The following COL5A2 variants were observed in gnomAD, a reference collection of about 807,000 sequenced individuals.
COL5A2 encodes the protein collagen type V alpha 2 chain, also known as collagen alpha-2(V) chain.
COL5A2 carries 23 observed loss-of-function variants against 208.2 expected under a neutral mutation model. The ratio of observed to expected loss-of-function variants is 0.11; its 90% CI spans 0.08 to 0.16. COL5A2 has a LOEUF of 0.16. Among genes scored for constraint, COL5A2 ranks in the 10% least tolerant of loss-of-function variants. The pLI is 1.00. For synonymous variants in COL5A2, 625 were observed against 628.5 expected (o/e 0.99, Z 0.08); for missense variants, 1,590 against 1,956.4 (o/e 0.81, Z 3.53).
At chr2:189,427,081 C>T in the COL5A2 span, among the ~76,000 whole-genome samples, 3 of 152,202 alleles carry the variant, frequency 2.0e-5, no homozygotes, top group Non-Finnish European at 4.4e-5. Flanking sequence ...TTCAGAGACC[C>T]TCATGACAGC....
At chr2:189,274,658 T>C in the COL5A2 span, among the ~76,000 whole-genome samples, 2 of 152,172 alleles carry the variant, frequency 1.3e-5, no homozygotes, top group Non-Finnish European at 1.5e-5. Context: ...ATAATTTTCT[T>C]GATAAAGTGC....
chr2:189,323,540 G>A, the COL5A2 span, among the ~76,000 whole-genome samples: 9 of 152,074 alleles, frequency 5.9e-5, no homozygotes, highest in Admixed American at 4.6e-4. Flanking sequence ...GACAAACAGA[G>A]AGCCAAATCA....
chr2:189,260,086 AT>A, the COL5A2 span, among the ~76,000 whole-genome samples: 2 of 152,194 alleles, frequency 1.3e-5, no homozygotes, highest in African/African-American at 4.8e-5. Context: ...GTGTTCCTAA[AT>A]CCTTTAGTAT....
intron 1 of COL5A2, among the ~76,000 whole-genome samples, chr2:189,116,533 T>C (rs1488433596): frequency 6.6e-6 from 1 of 152,236 alleles, no homozygotes; most frequent in Non-Finnish European, 1.5e-5. Flanking sequence ...GAGGGGGATC[T>C]ATTACATACT....
the COL5A2 span, among the ~76,000 whole-genome samples, chr2:189,272,387 C>G: frequency 6.6e-6 from 1 of 152,064 alleles, no homozygotes; most frequent in African/African-American, 2.4e-5. Flanking sequence ...TGGAAACCAT[C>G]ATTCTCATCA....
intron 36 of COL5A2, 91 bp downstream of exon 36, chr2:189,054,068 A>G (rs1399068344): frequency 7.9e-6 from 11 of 1,389,366 alleles, no homozygotes; most frequent in African/African-American, 5.7e-5. Flanking sequence ...TTGCTCAGAT[A>G]CCATATGTTA....
At chr2:189,276,122 C>T in the COL5A2 span, among the ~76,000 whole-genome samples, 1 of 152,118 alleles carries the variant, frequency 6.6e-6, no homozygotes, top group African/African-American at 2.4e-5. Flanking sequence ...GTCCCAGAAG[C>T]AAAATATTGA....
chr2:189,085,721 T>C lies in COL5A2; in HGVS notation c.742A>G (p.Met248Val), dbSNP rs1351812344. The C allele has an allele frequency of 6.2e-7, 1 of 1,613,044 alleles. No individual in the cohort carries two copies. Residue 248 changes from methionine to valine, a missense_variant and splice_region_variant, in exon 10 of 54, where the codon ATG (methionine) becomes GTG (valine). By Grantham distance (21) the Met-to-Val change is conservative. Coordinates refer to ENST00000374866, the MANE Select transcript of COL5A2 (RefSeq NM_000393.5). ...CTACATGCTTACTTGACATTTACCA[T>C]TGGTCCAGGATCACCAGGTTCACCA... ...PPGEPGDPGP[M>V]GPIGSRGPEG...
upstream of COL5A2, among the ~76,000 whole-genome samples, chr2:189,180,340 T>C (rs1274079202): frequency 6.6e-6 from 1 of 152,200 alleles, no homozygotes; most frequent in Non-Finnish European, 1.5e-5. Context: ...TTTGGATAAA[T>C]GAATTTGTGA....
the COL5A2 span, among the ~76,000 whole-genome samples, chr2:189,317,903 C>A: frequency 1.3e-5 from 2 of 151,970 alleles, no homozygotes; most frequent in African/African-American, 4.8e-5. Flanking sequence ...TTTGACTGAC[C>A]AAAATATAGG....
the COL5A2 span, among the ~76,000 whole-genome samples, chr2:189,328,734 T>C: frequency 6.6e-6 from 1 of 152,304 alleles, no homozygotes; most frequent in South Asian, 2.1e-4. Flanking sequence ...CAGTCAACAA[T>C]GCCAAATTGT....
intron 1 of COL5A2, among the ~76,000 whole-genome samples, chr2:189,112,759 T>G (rs951593230): frequency 6.6e-6 from 1 of 152,212 alleles, no homozygotes; most frequent in Admixed American, 6.5e-5. Flanking sequence ...ATAGAAATTA[T>G]GTTTTAATAT....
At chr2:189,432,121 G>C in the COL5A2 span, among the ~76,000 whole-genome samples, 1 of 152,124 alleles carries the variant, frequency 6.6e-6, no homozygotes. Flanking sequence ...AAGGAGAAAT[G>C]AAATCCTTTA....
At position 189,032,314 on chromosome 2, in the gene COL5A2, G is replaced by T. The variant is rs1685351100; in HGVS notation, c.*1756C>A. The T allele has an allele frequency of 6.6e-6, 1 of 152,094 alleles. No individual in the cohort carries two copies. The highest frequency in any genetic ancestry group is 2.1e-4 in the South Asian group (1 of 4,834). The allele number at this position is 152,094 out of a possible 1,614,324, so 9.4% of individuals were successfully genotyped here. ...TCTGACATTTTTAAGGGCAGAGGCA[G>T]TGATAATTGGTGTCATGTTGCCTTT... On this transcript the variant is annotated 3_prime_UTR_variant, in exon 54 of 54. Transcript: ENST00000374866.
chr2:189,358,677 T>G, the COL5A2 span, among the ~76,000 whole-genome samples: 261 of 152,354 alleles, frequency 1.7e-3, 3 homozygotes, highest in South Asian at 0.053. Flanking sequence ...GTGAACATTT[T>G]AAAAATATTA....
upstream of COL5A2, among the ~76,000 whole-genome samples, chr2:189,181,083 T>C (rs1263142693): frequency 6.6e-6 from 1 of 152,142 alleles, no homozygotes; most frequent in Non-Finnish European, 1.5e-5. Flanking sequence ...AATAAAGATA[T>C]ATAAGCCAGA....
the COL5A2 span, among the ~76,000 whole-genome samples, chr2:189,408,258 T>C: frequency 6.6e-6 from 1 of 152,192 alleles, no homozygotes; most frequent in Non-Finnish European, 1.5e-5. Context: ...TCAGAGGCTC[T>C]AGCTGGAACT....
chr2:189,093,511 G>C (rs1161943178), intron 6 of COL5A2, among the ~76,000 whole-genome samples: 2 of 152,096 alleles, frequency 1.3e-5, no homozygotes, highest in Non-Finnish European at 2.9e-5. Flanking sequence ...GTTTGTATAT[G>C]ATGGTTTTGG....
the COL5A2 span, among the ~76,000 whole-genome samples, chr2:189,407,631 T>C: frequency 2.0e-5 from 3 of 152,100 alleles, no homozygotes; most frequent in Non-Finnish European, 4.4e-5. Flanking sequence ...AGAATGTAAA[T>C]AGACTCAAGA....
Sources: gnomAD v4.1 joint callset for allele counts (sites outside exome capture counted in the v4.1 genomes callset) on GRCh38, gnomAD v4.1.1 for gene constraint, MANE v1.5 for transcripts, NCBI Gene and HGNC (gene_info 2026-07-23, HGNC 2026-07-21) for gene names.